The following KDM4B variants were observed in gnomAD, a reference collection of about 807,000 sequenced individuals.
The protein encoded by KDM4B is lysine-specific demethylase 4B.
KDM4B carries 32 observed loss-of-function variants against 125.2 expected under a neutral mutation model. The observed-to-expected ratio is 0.26, with a 90% CI of 0.19 to 0.34. The LOEUF (loss-of-function observed/expected upper bound fraction) is 0.34, where lower values mean the gene tolerates loss of function less well. Ranked by LOEUF, KDM4B falls within the 10% of genes least tolerant of loss-of-function variation. The probability of loss-of-function intolerance (pLI) is 1.00; values close to 1 mark genes in which losing one functional copy is unlikely to be tolerated. For missense variants in KDM4B, 1,190 were observed against 1,577.7 expected, an observed-to-expected ratio of 0.75 and a Z score of 4.16; for synonymous variants, 721 against 677.9, an observed-to-expected ratio of 1.06 and a Z score of -0.99.
chr19:5,147,604 A>G (rs922607001), intron 21 of KDM4B, among the ~76,000 whole-genome samples: 1 of 152,012 alleles, frequency 6.6e-6, no homozygotes. Context: ...TTAGCTGGGC[A>G]TGGTGGCACG....
chr19:5,050,445 CG>C (rs565008149), intron 6 of KDM4B, among the ~76,000 whole-genome samples: 9 of 152,318 alleles, frequency 5.9e-5, no homozygotes, highest in East Asian at 1.9e-4. Context: ...TCACCCAGGC[CG>C]GGGGGGCCGG....
intron 3 of KDM4B, among the ~76,000 whole-genome samples, chr19:5,036,743 C>T (rs1047445843): frequency 2.0e-5 from 3 of 152,264 alleles, no homozygotes; most frequent in Non-Finnish European, 4.4e-5. Context: ...ATGTCCCGAG[C>T]GGCTTTCAGT....
At position 4,971,984 on chromosome 19, in the gene KDM4B, C is replaced by T. The variant is rs1025883580; in HGVS notation, c.-109+2754C>T. The stretch of plus-strand genomic sequence containing the variant: ...AGCTCCGCAGGCCTGCACTGGTCAC[C>T]GCCATGACAGATCGGCCGTCCTCAT... On this transcript the variant is annotated intron_variant, in intron 1 of 22. Coordinates refer to ENST00000159111, the MANE Select transcript of KDM4B (RefSeq NM_015015.3). This position sits in a 1 kb window ranked among gnomAD's most constrained non-coding sequence, Gnocchi z 4.1. Among the ~76,000 whole-genome samples the T allele has an allele frequency of 2.0e-5, 3 of 152,146 alleles. No individual in the cohort carries two copies. Among genetic ancestry groups the T allele is most frequent in the Non-Finnish European group, 4.4e-5 (3 of 68,026 alleles).
At chr19:5,031,747 G>A (rs934589315) in intron 2 of KDM4B, among the ~76,000 whole-genome samples, 2 of 152,316 alleles carry the variant, frequency 1.3e-5, no homozygotes, top group Non-Finnish European at 2.9e-5. Flanking sequence ...GGGCCTCCCT[G>A]CCGTCCTGCT....
chr19:5,024,997 A>G (rs1028272660), intron 2 of KDM4B, among the ~76,000 whole-genome samples: 2 of 152,258 alleles, frequency 1.3e-5, no homozygotes, highest in East Asian at 1.9e-4. Context: ...TGCGAACCAT[A>G]CAAGTCACCC....
chr19:5,083,566 A>G (rs1306520750), intron 9 of KDM4B, among the ~76,000 whole-genome samples: 1 of 152,176 alleles, frequency 6.6e-6, no homozygotes, highest in Non-Finnish European at 1.5e-5. Context: ...GCTGCCCCCA[A>G]GTAGGACTGA....
chr19:5,090,815 G>A (rs1332538224), intron 9 of KDM4B, among the ~76,000 whole-genome samples: 3 of 151,120 alleles, frequency 2.0e-5, no homozygotes, highest in Non-Finnish European at 2.9e-5. Flanking sequence ...TGCCCCACTT[G>A]GAGGCACAGG....
intron 6 of KDM4B, among the ~76,000 whole-genome samples, chr19:5,048,604 G>A (rs550368190): frequency 3.3e-5 from 5 of 152,182 alleles, no homozygotes; most frequent in African/African-American, 1.2e-4. Flanking sequence ...GCGGGGAGAG[G>A]GGGGGGCGGG....
intron 9 of KDM4B, among the ~76,000 whole-genome samples, chr19:5,095,182 G>T (rs111497825): frequency 1.3e-5 from 2 of 152,196 alleles, no homozygotes; most frequent in African/African-American, 4.8e-5. Context: ...AGAACCGCCC[G>T]CTGGTGGCTG....
At chr19:4,973,504 T>G (rs898520227) in intron 1 of KDM4B, among the ~76,000 whole-genome samples, 3 of 152,184 alleles carry the variant, frequency 2.0e-5, no homozygotes, top group Non-Finnish European at 4.4e-5. Context: ...GCACATACTT[T>G]TACTAATTCG....
chr19:5,011,226 G>A (rs2035717178), intron 1 of KDM4B, among the ~76,000 whole-genome samples: 1 of 152,194 alleles, frequency 6.6e-6, no homozygotes, highest in African/African-American at 2.4e-5. Context: ...CCTCACAGTG[G>A]AGAATGATGT....
chr19:5,077,101 C>T, intron 7 of KDM4B: 1 of 506,466 alleles, frequency 2.0e-6, no homozygotes, highest in Non-Finnish European at 3.5e-6. Context: ...CACATGGTCA[C>T]TGCGCAGAGG....
chr19:5,086,626 T>A (rs112186674), intron 9 of KDM4B, among the ~76,000 whole-genome samples: 10,264 of 151,632 alleles, frequency 0.068, 386 homozygotes, highest in Admixed American at 0.095. Flanking sequence ...GTTGCACAGC[T>A]CGCAGGACAG....
intron 3 of KDM4B, among the ~76,000 whole-genome samples, chr19:5,037,440 C>G (rs1310638558): frequency 6.6e-6 from 1 of 152,210 alleles, no homozygotes; most frequent in African/African-American, 2.4e-5. Context: ...CCCCTGAAAT[C>G]TAAGAGAACG....
chr19:5,077,748 G>C (rs1021080652), intron 8 of KDM4B: 3 of 410,526 alleles, frequency 7.3e-6, no homozygotes, highest in Non-Finnish European at 1.3e-5. Context: ...AGGCCCCTCC[G>C]CAGGGGCTGC....
At chr19:5,147,742 C>CAAAAA (rs35330966) in intron 21 of KDM4B, among the ~76,000 whole-genome samples, 1 of 80,950 alleles carries the variant, frequency 1.2e-5, no homozygotes, top group Non-Finnish European at 2.5e-5. Flanking sequence ...AGCCCTGTCT[C>CAAAAA]AAAAAAAAAA....
At chr19:5,084,586 A>T (rs567459470) in intron 9 of KDM4B, among the ~76,000 whole-genome samples, 5,645 of 142,132 alleles carry the variant, frequency 0.04, 186 homozygotes, top group Non-Finnish European at 0.067. Context: ...ATTATATATA[A>T]ATATAAATTA....
chr19:5,090,600 T>C (rs12972036), intron 9 of KDM4B, among the ~76,000 whole-genome samples: 1,015 of 55,682 alleles, frequency 0.018, 15 homozygotes, highest in Non-Finnish European at 0.024. Context: ...CTCCCTCTCT[T>C]TCTCTCTCTC....
chr19:5,060,704 G>A (rs570154917), intron 6 of KDM4B, among the ~76,000 whole-genome samples: 22 of 152,274 alleles, frequency 1.4e-4, no homozygotes, highest in Non-Finnish European at 2.5e-4. Context: ...AGGCACGTGA[G>A]GGAGGTTGCT....
Sources: allele counts gnomAD v4.1 joint callset (sites outside exome capture counted in the v4.1 genomes callset), GRCh38; gene constraint gnomAD v4.1.1; non-coding constraint Gnocchi (gnomAD v3.1); transcripts MANE v1.5; gene names NCBI Gene and HGNC (gene_info 2026-07-23, HGNC 2026-07-21).